GNAL: variants seen among roughly 807,000 people sequenced by gnomAD.
GNAL encodes G protein subunit alpha L.
GNAL carries 18 observed loss-of-function variants against 55.1 expected under a neutral mutation model. The observed-to-expected ratio is 0.33, with a 90% CI of 0.23 to 0.48. The LOEUF is 0.48. Among genes scored for constraint, GNAL ranks in the 20% least tolerant of loss-of-function variants. The pLI is 0.99. For missense variants in GNAL, 412 were observed against 614.1 expected (o/e 0.67, Z 3.48); for synonymous variants, 253 against 237.0 (o/e 1.07, Z -0.62).
At chr18:11,721,005 A>G (rs1321712786) in intron 1 of GNAL, among the ~76,000 whole-genome samples, 2 of 152,218 alleles carry the variant, frequency 1.3e-5, no homozygotes, top group Non-Finnish European at 2.9e-5. Flanking sequence ...GCAAAAGCCA[A>G]TTTTCAAAGC....
intron 5 of GNAL, among the ~76,000 whole-genome samples, chr18:11,843,092 G>C (rs1488940417): frequency 6.6e-6 from 1 of 152,156 alleles, no homozygotes; most frequent in African/African-American, 2.4e-5. Flanking sequence ...AACATGTTGG[G>C]AGGCCAAGGT....
At chr18:11,757,043 G>A (rs2033080018) in intron 4 of GNAL, among the ~76,000 whole-genome samples, 1 of 152,100 alleles carries the variant, frequency 6.6e-6, no homozygotes, top group Non-Finnish European at 1.5e-5. Flanking sequence ...TTCAATTTAA[G>A]AAGGAAAAGG....
In GNAL at chr18:11,705,446, A is replaced by T. The variant is rs568987842; in HGVS notation, c.376+15507A>T. Among the ~76,000 whole-genome samples, 6 of 152,292 alleles carry T rather than the reference A, an allele frequency of 3.9e-5. No individual in the cohort carries two copies. The East Asian group carries it at 1.2e-3, about 29-fold the overall frequency. On this transcript the variant is annotated intron_variant, in intron 1 of 11. Coordinates refer to ENST00000334049, the MANE Select transcript of GNAL (RefSeq NM_182978.4). ...GTGCAGCTATCTCCTGGAGATTCTG[A>T]TTTCAGTTCTTTTGAATATATACCC...
chr18:11,850,954 TG>T (rs2035843347), intron 5 of GNAL, among the ~76,000 whole-genome samples: 1 of 152,242 alleles, frequency 6.6e-6, no homozygotes, highest in South Asian at 2.1e-4. Context: ...AATGTATCCA[TG>T]GTTTCCAGTT....
chr18:11,817,353 C>G (rs1164646274), intron 4 of GNAL, among the ~76,000 whole-genome samples: 1 of 152,122 alleles, frequency 6.6e-6, no homozygotes, highest in Non-Finnish European at 1.5e-5. Flanking sequence ...GAAGTATTCT[C>G]GATGGTTCTC....
chr18:11,846,884 G>A (rs1463826430), intron 5 of GNAL, among the ~76,000 whole-genome samples: 1 of 152,106 alleles, frequency 6.6e-6, no homozygotes, highest in Non-Finnish European at 1.5e-5. Flanking sequence ...GCCCTGGACA[G>A]TGACTTTGAA....
intron 5 of GNAL, among the ~76,000 whole-genome samples, chr18:11,843,658 A>T (rs1341887070): frequency 2.0e-5 from 3 of 152,154 alleles, no homozygotes; most frequent in Non-Finnish European, 2.9e-5. Flanking sequence ...TTCCTAACGA[A>T]AGACAGTAGC....
At chr18:11,768,601 C>G (rs544333861) in intron 4 of GNAL, among the ~76,000 whole-genome samples, 28 of 133,784 alleles carry the variant, frequency 2.1e-4, no homozygotes, top group African/African-American at 7.9e-4. Context: ...AACTCCATCT[C>G]GAAAAAAAAA....
At chr18:11,800,413 C>G (rs149507595) in intron 4 of GNAL, among the ~76,000 whole-genome samples, 379 of 152,306 alleles carry the variant, frequency 2.5e-3, no homozygotes, top group Non-Finnish European at 4.3e-3. Flanking sequence ...ATTATCCTCT[C>G]ACTGGTCATA....
At chr18:11,821,859 C>T (rs1055374874) in intron 4 of GNAL, among the ~76,000 whole-genome samples, 92 of 152,364 alleles carry the variant, frequency 6.0e-4, no homozygotes, top group Non-Finnish European at 8.8e-5. Context: ...GGCTGAAGCA[C>T]AAGGGCCTCC....
chr18:11,876,775 C>T (rs1162593702), intron 11 of GNAL, 87 bp downstream of exon 11: 4 of 803,074 alleles, frequency 5.0e-6, no homozygotes, highest in African/African-American at 1.7e-5. Context: ...TTGATGATCT[C>T]ATTTAATCTT....
At chr18:11,829,359 C>T (rs1469166151) in intron 5 of GNAL, among the ~76,000 whole-genome samples, 1 of 152,192 alleles carries the variant, frequency 6.6e-6, no homozygotes, top group Non-Finnish European at 1.5e-5. Flanking sequence ...TAATAACTAT[C>T]TTGTTTTTCC....
chr18:11,693,770 A>C (rs2031326059), intron 1 of GNAL, among the ~76,000 whole-genome samples: 3 of 128,272 alleles, frequency 2.3e-5, no homozygotes, highest in African/African-American at 6.4e-5. Context: ...TAATCCCAAC[A>C]CTTTAGGATG....
intron 4 of GNAL, 108 bp downstream of exon 4, chr18:11,754,053 C>T (rs1453054688): frequency 2.2e-5 from 18 of 808,454 alleles, no homozygotes; most frequent in Non-Finnish European, 3.3e-5. Flanking sequence ...TAACTTTCTT[C>T]GAAATCCAGC....
intron 1 of GNAL, 79 bp downstream of exon 1, chr18:11,690,018 G>GGCGGCGGGCACCGGGGA: frequency 1.2e-6 from 1 of 862,656 alleles, no homozygotes; most frequent in Non-Finnish European, 1.5e-6. Flanking sequence ...ACCGGGGAGC[G>GGCGGCGGGCACCGGGGA]GTGGCGGGCA....
intron 5 of GNAL, among the ~76,000 whole-genome samples, chr18:11,835,475 A>G (rs1044637244): frequency 3.9e-5 from 6 of 152,188 alleles, no homozygotes; most frequent in South Asian, 4.1e-4. Flanking sequence ...AAGAAAAAAA[A>G]AAGCCTAAAA....
At chr18:11,756,243 A>G (rs887962330) in intron 4 of GNAL, among the ~76,000 whole-genome samples, 1 of 152,216 alleles carries the variant, frequency 6.6e-6, no homozygotes, top group African/African-American at 2.4e-5. Flanking sequence ...TTGGAGCTAA[A>G]TCATGAACAT....
At chr18:11,707,764 T>C (rs960802077) in intron 1 of GNAL, among the ~76,000 whole-genome samples, 4 of 152,234 alleles carry the variant, frequency 2.6e-5, no homozygotes, top group African/African-American at 9.6e-5. Flanking sequence ...TGTTGTTTAG[T>C]GTAGCCACTT....
chr18:11,852,766 C>G (rs2035911054), intron 5 of GNAL: 1 of 166,672 alleles, frequency 6.0e-6, no homozygotes, highest in Admixed American at 6.5e-5. Flanking sequence ...AAATTTTTCA[C>G]GTGATAATTG....
Sources: allele counts gnomAD v4.1 joint callset (sites outside exome capture counted in the v4.1 genomes callset), GRCh38; gene constraint gnomAD v4.1.1; transcripts MANE v1.5; gene names NCBI Gene and HGNC (gene_info 2026-07-23, HGNC 2026-07-21).